Variants in R3HDM2 observed in about 807,000 individuals in gnomAD.
The protein encoded by R3HDM2 is R3H domain containing 2.
In R3HDM2, 38 loss-of-function variants were observed where a neutral mutation model predicts 124.5. The ratio of observed to expected loss-of-function variants is 0.31; its 90% CI spans 0.24 to 0.40. R3HDM2 has a LOEUF of 0.40. Among genes scored for constraint, R3HDM2 ranks in the 10% least tolerant of loss-of-function variants. The pLI, the probability that R3HDM2 is intolerant of heterozygous loss-of-function variation, is 1.00. For missense variants in R3HDM2, 869 were observed against 1,236.9 expected (o/e 0.70, Z 4.46); for synonymous variants, 391 against 448.0 (o/e 0.87, Z 1.61).
At chr12:57,411,644 T>A (rs567377383) in intron 1 of R3HDM2, among the ~76,000 whole-genome samples, 7 of 152,218 alleles carry the variant, frequency 4.6e-5, no homozygotes, top group Non-Finnish European at 1.0e-4. Flanking sequence ...CCCAGAGCAG[T>A]ACATTCTCAA....
chr12:57,280,631 C>T, intron 13 of R3HDM2, 101 bp from the exon 14 acceptor site: 2 of 1,091,408 alleles, frequency 1.8e-6, no homozygotes, highest in Non-Finnish European at 2.5e-6. Flanking sequence ...TTTGCCTTTC[C>T]TCTTTATTCC....
chr12:57,295,451 T>A lies in R3HDM2; in HGVS notation c.758A>T (p.Gln253Leu). ...IKDEKNTEFQ[Q>L]RFILKRDDAS... ...ATCATCTCTCTTGAGAATGAACCTC[T>A]GTTGAAATTCTGTATTCTTCTCATC... The change falls in exon 10 of 24, where the codon CAG (glutamine) becomes CTG (leucine). Residue 253 changes from glutamine (Q) to leucine (L), a missense_variant. Physicochemically the swap from Gln to Leu is moderately radical, Grantham distance 113. This residue lies in a region of R3HDM2 where 267 missense variants were observed against 447.7 expected (regional missense o/e 0.60). Transcript: ENST00000402412. 6.4e-7 allele frequency: 1 copy of A among 1,552,010 alleles called. No homozygotes were observed. Among genetic ancestry groups the A allele is most frequent in the Non-Finnish European group, 8.7e-7 (1 of 1,147,068 alleles).
At chr12:57,289,096 C>G (rs778040371) in intron 11 of R3HDM2, 56 bp from the exon 12 acceptor site, 2 of 1,464,976 alleles carry the variant, frequency 1.4e-6, no homozygotes, top group Non-Finnish European at 9.4e-7. Flanking sequence ...ATGGCATGAC[C>G]GAAAAGGATG....
At chr12:57,371,555 C>T (rs959951196) in intron 2 of R3HDM2, among the ~76,000 whole-genome samples, 1 of 151,910 alleles carries the variant, frequency 6.6e-6, no homozygotes, top group African/African-American at 2.4e-5. Flanking sequence ...AACCCAAACC[C>T]CCAAAACAGA....
chr12:57,254,500 T>TAA lies in R3HDM2; in HGVS notation c.*272_*273insTT. ...GGGGTGACAAGAGCGAAACTCCGTCTCAAAAAAAAAAAAAAAAAAAAAAAG... is the reference window on the plus strand; with the variant it reads ...GGGGTGACAAGAGCGAAACTCCGTCTAACAAAAAAAAAAAAAAAAAAAAAAAG... On this transcript the variant is annotated 3_prime_UTR_variant, in exon 24 of 24. Transcript: ENST00000402412. The TAA allele has an allele frequency of 1.5e-5, 2 of 129,212 alleles. No individual in the cohort carries two copies. The highest frequency in any genetic ancestry group is 2.5e-5 in the Non-Finnish European group (2 of 79,964). 8.0% of individuals were successfully genotyped at this position (129,212 alleles called of 1,614,324 possible).
chr12:57,263,499 C>T (rs555458855), intron 19 of R3HDM2, among the ~76,000 whole-genome samples: 9 of 152,126 alleles, frequency 5.9e-5, no homozygotes, highest in South Asian at 2.1e-4. Flanking sequence ...GAGACAGTCT[C>T]GCTATGTTGC....
intron 2 of R3HDM2, among the ~76,000 whole-genome samples, chr12:57,393,109 T>A (rs1176172510): frequency 6.7e-6 from 1 of 149,442 alleles, no homozygotes; most frequent in Admixed American, 6.7e-5. Flanking sequence ...AGGCATTTTT[T>A]TTTTTTTTTC....
At chr12:57,288,143 C>T (rs1394370851) in intron 12 of R3HDM2, among the ~76,000 whole-genome samples, 1 of 151,608 alleles carries the variant, frequency 6.6e-6, no homozygotes, top group Non-Finnish European at 1.5e-5. Flanking sequence ...CTCAGCCTCC[C>T]GAGAGGCACC....
chr12:57,338,134 T>C (rs552351503), intron 2 of R3HDM2, among the ~76,000 whole-genome samples: 1 of 152,184 alleles, frequency 6.6e-6, no homozygotes, highest in Non-Finnish European at 1.5e-5. Flanking sequence ...AGAAACCCTG[T>C]CTCTACTAAA....
chr12:57,375,477 A>T (rs1025140471), intron 2 of R3HDM2, among the ~76,000 whole-genome samples: 1 of 152,200 alleles, frequency 6.6e-6, no homozygotes, highest in Non-Finnish European at 1.5e-5. Flanking sequence ...AAATGGCTAT[A>T]TCTCTTCATA....
intron 2 of R3HDM2, among the ~76,000 whole-genome samples, chr12:57,362,012 A>C (rs1430503646): frequency 6.6e-6 from 1 of 152,148 alleles, no homozygotes; most frequent in Non-Finnish European, 1.5e-5. Flanking sequence ...GCAGGCCTGC[A>C]GTCCCAGCTA....
chr12:57,284,482 C>T (rs992529008), intron 12 of R3HDM2, among the ~76,000 whole-genome samples: 2 of 152,218 alleles, frequency 1.3e-5, no homozygotes, highest in Non-Finnish European at 2.9e-5. Flanking sequence ...TGCTAAAAGG[C>T]AGGAGCCAAT....
chr12:57,386,389 C>T (rs1053245152), intron 2 of R3HDM2, among the ~76,000 whole-genome samples: 2 of 152,370 alleles, frequency 1.3e-5, no homozygotes, highest in Non-Finnish European at 2.9e-5. Flanking sequence ...GTGGGCTCGG[C>T]AGGCTCCGCA....
intron 14 of R3HDM2, among the ~76,000 whole-genome samples, chr12:57,273,614 G>T (rs543449243): frequency 6.6e-6 from 1 of 152,278 alleles, no homozygotes; most frequent in South Asian, 2.1e-4. Context: ...ACTCATCTAG[G>T]CTTACACAGT....
chr12:57,269,245 A>C, intron 16 of R3HDM2, 78 bp downstream of exon 16: 2 of 1,575,594 alleles, frequency 1.3e-6, no homozygotes, highest in Non-Finnish European at 8.6e-7. Context: ...CCTTCATTTT[A>C]ATGGAGAAGG....
chr12:57,423,164 G>C (rs1356011068), intron 1 of R3HDM2, among the ~76,000 whole-genome samples: 7 of 150,828 alleles, frequency 4.6e-5, no homozygotes, highest in Admixed American at 1.3e-4. Context: ...GCTCATGCCT[G>C]TAATCCCAGC....
chr12:57,273,591 G>T (rs1457280705), intron 14 of R3HDM2, among the ~76,000 whole-genome samples: 1 of 152,212 alleles, frequency 6.6e-6, no homozygotes, highest in African/African-American at 2.4e-5. Context: ...AAAAGGCTCA[G>T]ATAAATTAAA....
At chr12:57,420,034 C>G (rs1180870208) in intron 1 of R3HDM2, among the ~76,000 whole-genome samples, 2 of 152,096 alleles carry the variant, frequency 1.3e-5, no homozygotes, top group African/African-American at 4.8e-5. Flanking sequence ...TCTCAAATTC[C>G]TTTGTTTAGA....
chr12:57,320,318 T>TAGCTTAAA (rs1313358022), intron 2 of R3HDM2, among the ~76,000 whole-genome samples: 4 of 79,872 alleles, frequency 5.0e-5, no homozygotes, highest in Non-Finnish European at 1.2e-4. Flanking sequence ...AAGCCAGTAG[T>TAGCTTAAA]AGCTTAAAAG....
Sources: allele counts gnomAD v4.1 joint callset (sites outside exome capture counted in the v4.1 genomes callset), GRCh38; gene constraint gnomAD v4.1.1; regional missense constraint gnomAD v4.1.1; transcripts MANE v1.5; gene names NCBI Gene and HGNC (gene_info 2026-07-23, HGNC 2026-07-21).